Variants in SH3PXD2A observed in about 807,000 individuals in gnomAD.
The protein encoded by SH3PXD2A is SH3 and PX domains 2A, also known as SH3 and PX domain-containing protein 2A.
A neutral mutation model predicts 115.2 loss-of-function variants in SH3PXD2A; 32 were observed. The observed-to-expected ratio is 0.28, with a 90% CI of 0.21 to 0.37. The LOEUF is 0.37. SH3PXD2A is among the 10% of genes least tolerant of loss of function. The pLI is 1.00. For synonymous variants in SH3PXD2A, 610 were observed against 629.1 expected (o/e 0.97, Z 0.45); for missense variants, 1,328 against 1,498.7 (o/e 0.89, Z 1.88).
intron 11 of SH3PXD2A, 40 bp from the exon 12 acceptor site, chr10:103,613,230 T>G (rs1451620059): frequency 6.8e-7 from 1 of 1,466,344 alleles, no homozygotes; most frequent in Non-Finnish European, 9.3e-7. Flanking sequence ...TAGAGCACTC[T>G]GACCTCACAG....
At chr10:103,607,154 C>G (rs1010922095) in intron 13 of SH3PXD2A, among the ~76,000 whole-genome samples, 1 of 150,326 alleles carries the variant, frequency 6.7e-6, no homozygotes, top group Non-Finnish European at 1.5e-5. Flanking sequence ...GCCGCCCCGT[C>G]TGGGATGTGA....
At chr10:103,672,051 G>A (rs768730419) in intron 6 of SH3PXD2A, among the ~76,000 whole-genome samples, 4 of 152,200 alleles carry the variant, frequency 2.6e-5, no homozygotes, top group East Asian at 1.9e-4. Flanking sequence ...TTTGGAGGCC[G>A]AGGTGGGTGG....
At chr10:103,648,989 C>T (rs2037079415) in intron 8 of SH3PXD2A, among the ~76,000 whole-genome samples, 2 of 152,332 alleles carry the variant, frequency 1.3e-5, no homozygotes, top group Non-Finnish European at 1.5e-5. Flanking sequence ...TCCACGATCC[C>T]TGTGATCATC....
intron 2 of SH3PXD2A, among the ~76,000 whole-genome samples, chr10:103,769,589 G>A (rs980618289): frequency 2.6e-5 from 4 of 151,772 alleles, no homozygotes; most frequent in Non-Finnish European, 5.9e-5. Flanking sequence ...GTGCCACCAC[G>A]CCTGGCTAAC....
chr10:103,624,250 T>C (rs902534086), intron 9 of SH3PXD2A, among the ~76,000 whole-genome samples: 1 of 152,224 alleles, frequency 6.6e-6, no homozygotes, highest in Admixed American at 6.5e-5. Flanking sequence ...TGCTCACTAA[T>C]GGGGTACACG....
intron 2 of SH3PXD2A, among the ~76,000 whole-genome samples, chr10:103,771,968 G>T (rs909014670): frequency 6.6e-6 from 1 of 152,038 alleles, no homozygotes. Context: ...GCTGCTCTCC[G>T]TCAGTCATCC....
intron 5 of SH3PXD2A, among the ~76,000 whole-genome samples, chr10:103,696,195 C>G (rs950000060): frequency 3.3e-5 from 5 of 152,210 alleles, no homozygotes; most frequent in African/African-American, 1.2e-4. Flanking sequence ...AATCCTGAAT[C>G]CTTCAGGGTG....
rs1045971911 is a variant in SH3PXD2A, at chr10:103,704,672, G to A, written c.399-11616C>T. 1.1e-4 allele frequency among the ~76,000 whole-genome samples: 17 copies of A among 152,214 alleles called. 1 individual carries two copies. The highest frequency in any genetic ancestry group is 7.2e-4 in the Admixed American group (11 of 15,286). The stretch of plus-strand genomic sequence containing the variant: ...CAGGCACTCAAAACGCAGGACAAAC[G>A]GGCTCCTGGCCAAGGGCCTGTGTGC... On this transcript the variant is annotated intron_variant, in intron 5 of 14. Coordinates refer to ENST00000369774, the MANE Select transcript of SH3PXD2A (RefSeq NM_001394015.1).
At chr10:103,719,204 G>C (rs1253125988) in intron 5 of SH3PXD2A, among the ~76,000 whole-genome samples, 3 of 152,206 alleles carry the variant, frequency 2.0e-5, no homozygotes, top group African/African-American at 7.2e-5. Flanking sequence ...AACATCAAAG[G>C]GGCTGAGGCC....
intron 8 of SH3PXD2A, among the ~76,000 whole-genome samples, chr10:103,631,574 A>G (rs552366172): frequency 6.6e-6 from 1 of 152,282 alleles, no homozygotes; most frequent in East Asian, 1.9e-4. Flanking sequence ...ATCATGATTG[A>G]AGGTCCCCCA....
chr10:103,724,966 G>C (rs1281696098), intron 4 of SH3PXD2A, among the ~76,000 whole-genome samples: 1 of 152,148 alleles, frequency 6.6e-6, no homozygotes, highest in Non-Finnish European at 1.5e-5. Context: ...CCACGCTCCA[G>C]CTGCACCAGG....
chr10:103,662,820 T>G (rs943970589), intron 7 of SH3PXD2A, among the ~76,000 whole-genome samples: 2 of 152,142 alleles, frequency 1.3e-5, no homozygotes, highest in African/African-American at 4.8e-5. Flanking sequence ...ATACTTTTGT[T>G]TTTTTTGAGA....
At chr10:103,764,777 G>A (rs907949936) in intron 3 of SH3PXD2A, among the ~76,000 whole-genome samples, 2 of 152,168 alleles carry the variant, frequency 1.3e-5, no homozygotes, top group African/African-American at 4.8e-5. Flanking sequence ...AGGGAGCCCT[G>A]GCCCAGGAGT....
chr10:103,750,961 G>A (rs962465787), intron 3 of SH3PXD2A, among the ~76,000 whole-genome samples: 1 of 152,204 alleles, frequency 6.6e-6, no homozygotes, highest in African/African-American at 2.4e-5. Flanking sequence ...GCCACGCAGA[G>A]AGGCTGGCAC....
chr10:103,842,050 G>A lies in SH3PXD2A; in HGVS notation c.72+13145C>T, dbSNP rs1011516678. On this transcript the variant is annotated intron_variant, in intron 1 of 14. Coordinates refer to ENST00000369774, the MANE Select transcript of SH3PXD2A (RefSeq NM_001394015.1). Reference sequence around the variant, plus strand: ...TGAGGCAGGAGAATGGCGTGAACCCGGGAGGTGGAGCTTGCAGTGAGCCGA... The same window carrying A: ...TGAGGCAGGAGAATGGCGTGAACCCAGGAGGTGGAGCTTGCAGTGAGCCGA... Among the ~76,000 whole-genome samples, 5 of 151,370 alleles carry A rather than the reference G, an allele frequency of 3.3e-5. No homozygotes were observed. The East Asian group carries it at 5.8e-4, about 18-fold the overall frequency.
intron 3 of SH3PXD2A, among the ~76,000 whole-genome samples, chr10:103,764,594 T>C (rs1283200308): frequency 6.6e-6 from 1 of 152,164 alleles, no homozygotes; most frequent in Non-Finnish European, 1.5e-5. Flanking sequence ...CAGGTGACTT[T>C]CTTGATTAAC....
Position 103,602,007 on chromosome 10 carries a change from T to C in SH3PXD2A, c.3211A>G (p.Asn1071Asp). ...KPIEKSQFIH[N>D]NLKDVYVSIA... The stretch of plus-strand genomic sequence containing the variant: ...GAGACGTACACATCTTTGAGGTTAT[T>C]GTGGATGAACTGAGACTTCTCGATG... The change falls in exon 15 of 15, where the codon AAT (asparagine) becomes GAT (aspartate). Residue 1071 changes from asparagine to aspartate, a missense_variant. By Grantham distance (23) the Asn-to-Asp change is conservative (BLOSUM62 1). This residue lies in a region of SH3PXD2A where 574 missense variants were observed against 565.7 expected (regional missense o/e 1.01). Transcript: ENST00000369774. The C allele has an allele frequency of 6.2e-7, 1 of 1,613,782 alleles. No homozygotes were observed. The highest frequency in any genetic ancestry group is 8.5e-7 in the Non-Finnish European group (1 of 1,179,862).
intron 1 of SH3PXD2A, among the ~76,000 whole-genome samples, chr10:103,827,447 G>A (rs114362342): frequency 1.8e-3 from 281 of 152,270 alleles, no homozygotes; most frequent in African/African-American, 6.6e-3. Flanking sequence ...AGACATGTGG[G>A]TTCAGGCCCA....
intron 9 of SH3PXD2A, among the ~76,000 whole-genome samples, chr10:103,623,989 C>T (rs2036651026): frequency 6.6e-6 from 1 of 152,228 alleles, no homozygotes; most frequent in African/African-American, 2.4e-5. Flanking sequence ...AAGATCATCT[C>T]ACTTGGGCCT....
Sources: allele counts gnomAD v4.1 joint callset (sites outside exome capture counted in the v4.1 genomes callset), GRCh38; gene constraint gnomAD v4.1.1; regional missense constraint gnomAD v4.1.1; transcripts MANE v1.5; gene names NCBI Gene and HGNC (gene_info 2026-07-23, HGNC 2026-07-21).